Variants in NUP88 observed in about 807,000 individuals in gnomAD.
The protein encoded by NUP88 is nuclear pore complex protein Nup88.
A neutral mutation model predicts 93.9 loss-of-function variants in NUP88; 57 were observed. The ratio of observed to expected loss-of-function variants is 0.61; its 90% CI spans 0.49 to 0.76. The LOEUF (loss-of-function observed/expected upper bound fraction) is 0.76, where lower values mean the gene tolerates loss of function less well. Ranked by LOEUF, NUP88 falls within the 30% of genes least tolerant of loss-of-function variation. NUP88 has a pLI of 0.00. For synonymous variants in NUP88, 346 were observed against 336.8 expected (o/e 1.03, Z -0.30); for missense variants, 911 against 901.0 (o/e 1.01, Z -0.14).
chr17:5,399,697 A>G, intron 7 of NUP88, 47 bp from the exon 8 acceptor site: 3 of 1,018,708 alleles, frequency 2.9e-6, no homozygotes, highest in Non-Finnish European at 4.4e-6. Context: ...GTGGATAACT[A>G]AAAAAATTTA....
In NUP88 at chr17:5,410,783, G is replaced by A. The variant is rs766208148; in HGVS notation, c.600C>T (p.Tyr200=). The A allele has an allele frequency of 1.4e-5, 22 of 1,598,462 alleles. No homozygotes were observed. In the South Asian group the frequency reaches 1.6e-4, roughly 12 times the overall value. The change falls in exon 4 of 17, where the codon TAC becomes TAT. Residue 200 remains tyrosine, a synonymous_variant. Coordinates refer to ENST00000573584, the MANE Select transcript of NUP88 (RefSeq NM_002532.6). ...TGGGTGTCTGCGGCTCACGTAGTGAGTAAATTCTAGCAACCAAAAGAGAAG... is the reference window on the plus strand; with the variant it reads ...TGGGTGTCTGCGGCTCACGTAGTGAATAAATTCTAGCAACCAAAAGAGAAG... ...LLTSDNVIRI[Y]SLREPQTPTN... is the part of the protein sequence containing the mutation.
At chr17:5,402,364 C>T (rs537814149) in intron 7 of NUP88, among the ~76,000 whole-genome samples, 2 of 151,982 alleles carry the variant, frequency 1.3e-5, no homozygotes, top group African/African-American at 4.8e-5. Context: ...AAAACGTCCA[C>T]GTCTACACTT....
chr17:5,415,342 C>T (rs548625722), intron 2 of NUP88, among the ~76,000 whole-genome samples: 38 of 152,192 alleles, frequency 2.5e-4, no homozygotes, highest in Admixed American at 5.2e-4. Context: ...ATATTTCATA[C>T]GTATATATAC....
At chr17:5,412,459 G>T (rs1054702959) in intron 3 of NUP88, among the ~76,000 whole-genome samples, 1 of 152,074 alleles carries the variant, frequency 6.6e-6, no homozygotes, top group Non-Finnish European at 1.5e-5. Context: ...CAATACACAC[G>T]TATCACGTTC....
chr17:5,405,042 G>A lies in NUP88; in HGVS notation c.1044+15C>T, dbSNP rs917063919. 1 of 1,609,170 alleles carries A rather than the reference G, an allele frequency of 6.2e-7. No homozygotes were observed. Among genetic ancestry groups the A allele is most frequent in the Non-Finnish European group, 8.5e-7 (1 of 1,177,094 alleles). On this transcript the variant is annotated intron_variant, in intron 6 of 16. Coordinates refer to ENST00000573584, the MANE Select transcript of NUP88 (RefSeq NM_002532.6). ...GGTGTTGAAGATACAAACAACCACA[G>A]CAGCCTGCACTTACCGTGTGGTCAT...
rs751206489 is a variant in NUP88 at position 5,395,019 on chromosome 17, A to G, written c.1292-38T>C. On this transcript the variant is annotated intron_variant, in intron 8 of 16. Transcript: ENST00000573584. Reference sequence around the variant, plus strand: ...ACATTACATAAATGAAATGATGCTTAGACAAGTCTCCAAATTAAAATGCTA... The same window carrying G: ...ACATTACATAAATGAAATGATGCTTGGACAAGTCTCCAAATTAAAATGCTA... 57 of 1,241,658 alleles carry G rather than the reference A, an allele frequency of 4.6e-5. No homozygotes were observed. The Admixed American group carries it at 9.4e-4, about 20-fold the overall frequency. The allele number at this position is 1,241,658 out of a possible 1,614,324, so 76.9% of individuals were successfully genotyped here. A position where few individuals can be genotyped will look rare whatever the true frequency, so the allele number is the denominator to read the frequency against.
chr17:5,405,558 G>A (rs983579919), intron 5 of NUP88, among the ~76,000 whole-genome samples: 2 of 152,100 alleles, frequency 1.3e-5, no homozygotes, highest in African/African-American at 4.8e-5. Flanking sequence ...AAACATTCCC[G>A]CACAGCACAG....
At position 5,387,910 on chromosome 17, in the gene NUP88, A is replaced by C; in HGVS notation, c.1644-6T>G. On this transcript the variant is annotated splice_region_variant and splice_polypyrimidine_tract_variant and intron_variant, in intron 11 of 16. Transcript: ENST00000573584. Reference sequence around the variant, plus strand: ...CTATGTCCTTTTCAGAAGCTCTTAAAAACAAAGTTTCTACCTTTATTTTCC... The same window carrying C: ...CTATGTCCTTTTCAGAAGCTCTTAACAACAAAGTTTCTACCTTTATTTTCC... The C allele has an allele frequency of 6.2e-7, 1 of 1,611,562 alleles. No individual in the cohort carries two copies. The highest frequency in any genetic ancestry group is 8.5e-7 in the Non-Finnish European group (1 of 1,179,144).
intron 2 of NUP88, among the ~76,000 whole-genome samples, chr17:5,415,947 C>T (rs1390879477): frequency 2.0e-5 from 3 of 151,730 alleles, no homozygotes; most frequent in South Asian, 2.1e-4. Flanking sequence ...GAGTTCAAGA[C>T]CAGCTTGGTC....
Position 5,416,570 on chromosome 17 carries a change from G to A in NUP88, c.410C>T (p.Pro137Leu), listed in dbSNP as rs751457209. Reference protein sequence around the residue: ...GIKGLMVLELPKRWGKNSEFE... With the variant: ...GIKGLMVLELLKRWGKNSEFE... ...TTCAGAATTCTTCCCCCATCTTTTAGGTAATTCTAATACCATAAGTCCTTT... is the reference window on the plus strand; with the variant it reads ...TTCAGAATTCTTCCCCCATCTTTTAAGTAATTCTAATACCATAAGTCCTTT... The change falls in exon 2 of 17, where the codon CCT becomes CTT. Residue 137 changes from proline (P) to leucine (L), a missense_variant. Coordinates refer to ENST00000573584, the MANE Select transcript of NUP88 (RefSeq NM_002532.6). 3 of 1,611,796 alleles carry A rather than the reference G, an allele frequency of 1.9e-6. No individual in the cohort carries two copies. The highest frequency in any genetic ancestry group is 3.3e-5 in the Admixed American group (2 of 59,752).
At chr17:5,403,089 T>C (rs1376683010) in intron 7 of NUP88, among the ~76,000 whole-genome samples, 2 of 152,198 alleles carry the variant, frequency 1.3e-5, no homozygotes, top group Non-Finnish European at 2.9e-5. Context: ...ACATCTGTTA[T>C]CCCAGTACTT....
Position 5,419,390 on chromosome 17 carries a change from G to A in NUP88, c.261C>T (p.Ser87=), listed in dbSNP as rs1338589879. 5.6e-6 allele frequency: 9 copies of A among 1,605,678 alleles called. No individual in the cohort carries two copies. In the African/African-American group the frequency reaches 1.2e-4, roughly 22 times the overall value. Residue 87 remains serine (S), a synonymous_variant, in exon 1 of 17, where the codon AGC becomes AGT. Coordinates refer to ENST00000573584, the MANE Select transcript of NUP88 (RefSeq NM_002532.6). ...SFLVVRLRGP[S]GGGEEPALSQ... ...ACAGGGCGGGCTCTTCGCCGCCGCC[G>A]CTGGGGCCCCGAAGGCGAACGACTA...
chr17:5,386,944 G>C, intron 15 of NUP88, 40 bp downstream of exon 15: 1 of 1,604,344 alleles, frequency 6.2e-7, no homozygotes, highest in Non-Finnish European at 8.5e-7. Context: ...AGTGCTTTAA[G>C]AAAAATTACC....
chr17:5,416,933 C>T (rs767481603), intron 1 of NUP88, among the ~76,000 whole-genome samples: 98 of 152,004 alleles, frequency 6.4e-4, no homozygotes, highest in Non-Finnish European at 1.1e-3. Flanking sequence ...GTGTCCTCCC[C>T]ACCTCAGCTT....
At position 5,385,680 on chromosome 17, in the gene NUP88, A is replaced by G. The variant is rs1346063155; in HGVS notation, c.*526T>C. ...AATACAGCTTGTGAGGAAGTGAGCC[A>G]GCAGTGGCCTTTGCAATTGTGGATC... On this transcript the variant is annotated 3_prime_UTR_variant, in exon 17 of 17. Coordinates refer to ENST00000573584, the MANE Select transcript of NUP88 (RefSeq NM_002532.6). The G allele has an allele frequency of 4.3e-6, 1 of 231,232 alleles. No individual in the cohort carries two copies. The highest frequency in any genetic ancestry group is 8.5e-6 in the Non-Finnish European group (1 of 116,960). 14.3% of individuals were successfully genotyped at this position (231,232 alleles called of 1,614,324 possible). A position where few individuals can be genotyped will look rare whatever the true frequency, so the allele number is the denominator to read the frequency against.
rs1355277807 is a variant in NUP88, at chr17:5,404,175, C to T, written c.1116G>A (p.Glu372=). 2 of 1,614,086 alleles carry T rather than the reference C, an allele frequency of 1.2e-6. No homozygotes were observed. The highest frequency in any genetic ancestry group is 1.7e-5 in the Admixed American group (1 of 60,024). ...SLYVFECVEL[E]LALKLASGED... ...CTCCAGATGCCAGTTTCAAAGCAAG[C>T]TCCAACTCAACACATTCAAACACAT... Residue 372 remains glutamate (E), a synonymous_variant, in exon 7 of 17, where the codon GAG becomes GAA. Coordinates refer to ENST00000573584, the MANE Select transcript of NUP88 (RefSeq NM_002532.6).
chr17:5,402,243 G>T (rs1196564484), intron 7 of NUP88, among the ~76,000 whole-genome samples: 1 of 151,944 alleles, frequency 6.6e-6, no homozygotes, highest in African/African-American at 2.4e-5. Context: ...GGGGGCGGAG[G>T]TTGAAGTGAG....
intron 10 of NUP88, among the ~76,000 whole-genome samples, chr17:5,390,655 T>C (rs1158387033): frequency 6.6e-6 from 1 of 152,148 alleles, no homozygotes; most frequent in Non-Finnish European, 1.5e-5. Flanking sequence ...TGATTACAGC[T>C]TAATTATCTG....
At chr17:5,390,701 TTTTTG>T (rs1912359690) in intron 10 of NUP88, among the ~76,000 whole-genome samples, 1 of 117,010 alleles carries the variant, frequency 8.5e-6, no homozygotes, top group Non-Finnish European at 1.7e-5. Context: ...GAGTTCAGCT[TTTTTG>T]TTTTTTTTTT....
Sources: allele counts gnomAD v4.1 joint callset (sites outside exome capture counted in the v4.1 genomes callset), GRCh38; gene constraint gnomAD v4.1.1; transcripts MANE v1.5; gene names NCBI Gene and HGNC (gene_info 2026-07-23, HGNC 2026-07-21).